Variants in SLC15A1 observed in about 807,000 individuals in gnomAD.
The protein encoded by SLC15A1 is Caco-2 oligopeptide transporter.
SLC15A1 carries 83 observed loss-of-function variants against 92.9 expected under a neutral mutation model. That is an observed-to-expected ratio of 0.89 (90% CI 0.75 to 1.07). The LOEUF (loss-of-function observed/expected upper bound fraction) is 1.07. Among genes scored for constraint, SLC15A1 ranks in the 50% least tolerant of loss-of-function variants. The probability of loss-of-function intolerance (pLI) is 0.00; values close to 1 mark genes in which losing one functional copy is unlikely to be tolerated. For synonymous variants in SLC15A1, 322 were observed against 318.2 expected (o/e 1.01, Z -0.13); for missense variants, 857 against 880.1 (o/e 0.97, Z 0.33).
chr13:98,733,405 TA>T (rs111526711), intron 1 of SLC15A1, among the ~76,000 whole-genome samples: 6 of 152,346 alleles, frequency 3.9e-5, no homozygotes, highest in African/African-American at 1.4e-4. Flanking sequence ...CTCTCTTTAT[TA>T]ATTTTTTCCT....
chr13:98,743,007 C>T (rs1186856139), intron 1 of SLC15A1, among the ~76,000 whole-genome samples: 1 of 152,154 alleles, frequency 6.6e-6, no homozygotes, highest in Non-Finnish European at 1.5e-5. Context: ...CTTCTTGTCT[C>T]AAGTGATCCT....
In SLC15A1 at chr13:98,686,166, G is replaced by A. The variant is rs764261098; in HGVS notation, c.1935+24C>T. 62 of 1,533,176 alleles carry A rather than the reference G, an allele frequency of 4.0e-5. No homozygotes were observed. The East Asian group carries it at 1.2e-3, about 30-fold the overall frequency. 95.0% of individuals were successfully genotyped at this position (1,533,176 alleles called of 1,614,324 possible). A position where few individuals can be genotyped will look rare whatever the true frequency, so the allele number is the denominator to read the frequency against. ...ATGAACAGGAAAGACAGAGGTATGT[G>A]CAATCTCCTCTCCCACGCCATACCT... is the stretch of plus-strand genomic sequence containing the variant. On this transcript the variant is annotated intron_variant, in intron 22 of 22. Transcript: ENST00000376503.
intron 3 of SLC15A1, 22 bp from the exon 4 acceptor site, chr13:98,726,286 A>G: frequency 1.2e-6 from 2 of 1,613,912 alleles, no homozygotes; most frequent in Non-Finnish European, 1.7e-6. Flanking sequence ...GGCAGGTGGA[A>G]GAGGAGGGGG....
chr13:98,707,898 A>ATT (rs1566447974), intron 15 of SLC15A1, among the ~76,000 whole-genome samples: 1 of 57,188 alleles, frequency 1.7e-5, no homozygotes, highest in African/African-American at 3.8e-5. Flanking sequence ...GTTTAAAAAA[A>ATT]AAAAAAAAAA....
chr13:98,723,283 G>A (rs963098600), intron 5 of SLC15A1, among the ~76,000 whole-genome samples: 6 of 152,094 alleles, frequency 3.9e-5, no homozygotes, highest in Non-Finnish European at 8.8e-5. Flanking sequence ...GGGGATTGCC[G>A]ATACTAATTT....
chr13:98,752,667 C>T lies in SLC15A1; in HGVS notation c.-69G>A. The T allele has an allele frequency of 8.1e-7, 1 of 1,232,534 alleles. No individual in the cohort carries two copies. Among genetic ancestry groups the T allele is most frequent in the Non-Finnish European group, 1.0e-6 (1 of 984,570 alleles). The allele number at this position is 1,232,534 out of a possible 1,614,324, so 76.3% of individuals were successfully genotyped here. On this transcript the variant is annotated 5_prime_UTR_variant, in exon 1 of 23. Transcript: ENST00000376503. ...CTCCTGGCAGGTGCTACTCCTCCGA[C>T]CTGACGTCCAGGCCCGGCCCCGTTG...
chr13:98,748,982 G>A (rs1292409657), intron 1 of SLC15A1, among the ~76,000 whole-genome samples: 1 of 152,224 alleles, frequency 6.6e-6, no homozygotes, highest in Non-Finnish European at 1.5e-5. Context: ...TTTGAAAAAC[G>A]CTGACTTAGA....
At chr13:98,741,722 TCAAAA>T (rs1566459853) in intron 1 of SLC15A1, among the ~76,000 whole-genome samples, 1 of 64,990 alleles carries the variant, frequency 1.5e-5, no homozygotes. Context: ...AGACTCCGTC[TCAAAA>T]AAAAAAAAAA....
At position 98,684,922 on chromosome 13, in the gene SLC15A1, A is replaced by G; in HGVS notation, c.1936-7T>C. 1 of 1,608,062 alleles carries G rather than the reference A, an allele frequency of 6.2e-7. No individual in the cohort carries two copies. Among genetic ancestry groups the G allele is most frequent in the Non-Finnish European group, 8.5e-7 (1 of 1,176,502 alleles). ...ATAGAATGTACTCGGCCCACTTTGA[A>G]GAAATCAGAGTTGGAGCAGGAAAAA... is the stretch of plus-strand genomic sequence containing the variant. On this transcript the variant is annotated splice_region_variant and splice_polypyrimidine_tract_variant and intron_variant, in intron 22 of 22. Coordinates refer to ENST00000376503, the MANE Select transcript of SLC15A1 (RefSeq NM_005073.4).
At position 98,708,739 on chromosome 13, in the gene SLC15A1, C is replaced by T. The variant is rs775156546; in HGVS notation, c.1096G>A (p.Val366Ile). ...TSLKKMAVGM[V>I]LASMAFVVAA... ...ACCACAAAGGCCATGGAGGCCAGGA[C>T]CATGCCAACTGCCATCTTCTTCAAG... The change falls in exon 15 of 23, where the codon GTC (valine) becomes ATC (isoleucine). Residue 366 changes from valine to isoleucine, a missense_variant. Physicochemically the swap from Val to Ile is conservative, Grantham distance 29 (BLOSUM62 3). Coordinates refer to ENST00000376503, the MANE Select transcript of SLC15A1 (RefSeq NM_005073.4). The T allele has an allele frequency of 1.9e-6, 3 of 1,612,800 alleles. No individual in the cohort carries two copies. The South Asian group carries it at 3.3e-5, about 18-fold the overall frequency.
At chr13:98,750,001 T>G (rs939832044) in intron 1 of SLC15A1, among the ~76,000 whole-genome samples, 1 of 152,062 alleles carries the variant, frequency 6.6e-6, no homozygotes, top group Non-Finnish European at 1.5e-5. Flanking sequence ...ATTTCCTACC[T>G]GGGGCTTTCC....
chr13:98,729,267 A>G (rs2088328961), intron 1 of SLC15A1, among the ~76,000 whole-genome samples: 1 of 152,172 alleles, frequency 6.6e-6, no homozygotes, highest in Admixed American at 6.5e-5. Flanking sequence ...TATCCATAAC[A>G]ACTTTTTAAA....
Position 98,706,207 on chromosome 13 carries a change from A to G in SLC15A1, c.1196T>C (p.Val399Ala). Reference protein sequence around the residue: ...FPKGNEVQIKVLNIGNNTMNI... With the variant: ...FPKGNEVQIKALNIGNNTMNI... The stretch of plus-strand genomic sequence containing the variant: ...CATGGTATTGTTTCCTATATTCAAA[A>G]CTTTAATTTGGACTTCGTTTCCTTT... Residue 399 changes from valine (V) to alanine (A), a missense_variant, in exon 16 of 23, where the codon GTT (valine) becomes GCT (alanine). Val to Ala is a moderately conservative substitution (Grantham distance 64, BLOSUM62 0). Transcript: ENST00000376503. 2.5e-6 allele frequency: 4 copies of G among 1,613,714 alleles called. No individual in the cohort carries two copies. The highest frequency in any genetic ancestry group is 3.4e-6 in the Non-Finnish European group (4 of 1,179,886).
Position 98,709,492 on chromosome 13 carries a change from GGCT to G in SLC15A1, c.1067+77_1067+79del, listed in dbSNP as rs2088143359. 4 of 1,124,594 alleles carry G rather than the reference GGCT, an allele frequency of 3.6e-6. No homozygotes were observed. In the East Asian group the frequency reaches 9.5e-5, roughly 27 times the overall value. The allele number at this position is 1,124,594 out of a possible 1,614,324, so 69.7% of individuals were successfully genotyped here. A position where few individuals can be genotyped will look rare whatever the true frequency, so the allele number is the denominator to read the frequency against. ...ATCCTCTAGGCGAGGTTGCGGGAAG[GGCT>G]GCAGGCTGAGCGCAGCCCATCTGCA... On this transcript the variant is annotated intron_variant, in intron 14 of 22. Transcript: ENST00000376503.
rs1450907225 is a variant in SLC15A1 at position 98,711,870 on chromosome 13, G to A, written c.884C>T (p.Ala295Val). The A allele has an allele frequency of 6.2e-7, 1 of 1,613,672 alleles. No homozygotes were observed. Among genetic ancestry groups the A allele is most frequent in the Admixed American group, 1.7e-5 (1 of 60,014 alleles). ...FLYIPLPMFW[A>V]LFDQQGSRWT... ...TCACATTACCTGCTGGTCAAACAAG[G>A]CCCAGAACATTGGGAGTGGAATATA... Residue 295 changes from alanine (A) to valine (V), a missense_variant, in exon 11 of 23, where the codon GCC (alanine) becomes GTC (valine). Transcript: ENST00000376503.
At chr13:98,713,611 C>T (rs1384305823) in intron 9 of SLC15A1, among the ~76,000 whole-genome samples, 4 of 152,012 alleles carry the variant, frequency 2.6e-5, no homozygotes, top group Non-Finnish European at 5.9e-5. Context: ...ATACGATGGC[C>T]CACCCATCAT....
In SLC15A1 at chr13:98,686,178, C is replaced by G. The variant is rs779796401; in HGVS notation, c.1935+12G>C. On this transcript the variant is annotated intron_variant, in intron 22 of 22. Coordinates refer to ENST00000376503, the MANE Select transcript of SLC15A1 (RefSeq NM_005073.4). ...GACAGAGGTATGTGCAATCTCCTCT[C>G]CCACGCCATACCTGTTTGCTGAACT... 18 of 1,596,844 alleles carry G rather than the reference C, an allele frequency of 1.1e-5. No individual in the cohort carries two copies. Among genetic ancestry groups the G allele is most frequent in the Admixed American group, 8.4e-5 (5 of 59,812 alleles).
intron 1 of SLC15A1, among the ~76,000 whole-genome samples, chr13:98,727,697 T>C (rs1314334805): frequency 6.6e-6 from 1 of 152,166 alleles, no homozygotes; most frequent in Non-Finnish European, 1.5e-5. Context: ...GCTGTGCCCT[T>C]GTCTCTAGTC....
chr13:98,741,606 C>G (rs1017503417), intron 1 of SLC15A1, among the ~76,000 whole-genome samples: 3 of 151,972 alleles, frequency 2.0e-5, no homozygotes, highest in African/African-American at 7.2e-5. Flanking sequence ...TGCCTGTAAT[C>G]CCAGCTACTC....
Sources: gnomAD v4.1 joint callset for allele counts (sites outside exome capture counted in the v4.1 genomes callset) on GRCh38, gnomAD v4.1.1 for gene constraint, MANE v1.5 for transcripts, NCBI Gene and HGNC (gene_info 2026-07-23, HGNC 2026-07-21) for gene names.